The following RCSD1 variants were observed in gnomAD, a reference collection of about 807,000 sequenced individuals.
RCSD1 encodes the protein RCSD domain containing 1, also known as capZ-interacting protein.
Under a neutral mutation model 42.5 loss-of-function variants are expected in RCSD1, and 26 were observed. The ratio of observed to expected loss-of-function variants is 0.61; its 90% CI spans 0.45 to 0.85. RCSD1 has a LOEUF of 0.85. RCSD1 is among the 40% of genes least tolerant of loss of function. RCSD1 has a pLI of 0.00. For synonymous variants in RCSD1, 220 were observed against 212.2 expected (o/e 1.04, Z -0.32); for missense variants, 571 against 528.3 (o/e 1.08, Z -0.79).
chr1:167,636,646 A>G (rs900375777), intron 1 of RCSD1, among the ~76,000 whole-genome samples: 5 of 152,050 alleles, frequency 3.3e-5, no homozygotes, highest in African/African-American at 1.2e-4. Context: ...CTAGAGTACA[A>G]TGGCACTATC....
intron 6 of RCSD1, among the ~76,000 whole-genome samples, chr1:167,698,149 G>C (rs1659547496): frequency 6.6e-6 from 1 of 152,224 alleles, no homozygotes; most frequent in African/African-American, 2.4e-5. Context: ...AGGCCTGCAA[G>C]CATCTATGGA....
chr1:167,673,071 A>T (rs1294958432), intron 1 of RCSD1, among the ~76,000 whole-genome samples: 1 of 152,176 alleles, frequency 6.6e-6, no homozygotes, highest in African/African-American at 2.4e-5. Flanking sequence ...CAGATCCAAG[A>T]CGATGCTCGG....
chr1:167,697,765 T>C lies in RCSD1; in HGVS notation c.1141T>C (p.Cys381Arg). The change falls in exon 6 of 7, where the codon TGC becomes CGC. Residue 381 changes from cysteine (C) to arginine (R), a missense_variant. Coordinates refer to ENST00000367854, the MANE Select transcript of RCSD1 (RefSeq NM_052862.4). ...QQEGAVLEPG[C>R]SPQTGPAQLE... Reference sequence around the variant, plus strand: ...GGAGGGGGCAGTGCTCGAGCCAGGCTGCAGCCCCCAGACCGGCCCTGCCCA... The same window carrying C: ...GGAGGGGGCAGTGCTCGAGCCAGGCCGCAGCCCCCAGACCGGCCCTGCCCA... 1 of 1,522,204 alleles carries C rather than the reference T, an allele frequency of 6.6e-7. No individual in the cohort carries two copies. The highest frequency in any genetic ancestry group is 8.8e-7 in the Non-Finnish European group (1 of 1,137,102). The allele number at this position is 1,522,204 out of a possible 1,614,324, so 94.3% of individuals were successfully genotyped here.
chr1:167,683,065 G>C (rs1659123067), intron 1 of RCSD1, among the ~76,000 whole-genome samples: 1 of 152,230 alleles, frequency 6.6e-6, no homozygotes, highest in Admixed American at 6.5e-5. Flanking sequence ...GAGAATAAAT[G>C]GTGTCCTGGG....
Position 167,683,965 on chromosome 1 carries a change from C to A in RCSD1, c.72C>A (p.Ala24=), listed in dbSNP as rs761485145. 7.4e-6 allele frequency: 12 copies of A among 1,613,952 alleles called. No individual in the cohort carries two copies. In the South Asian group the frequency reaches 1.3e-4, roughly 18 times the overall value. Residue 24 remains alanine, a synonymous_variant, in exon 2 of 7, where the codon GCC becomes GCA. Transcript: ENST00000367854. ...CGTCCCCCTCGGTGGCCCAGCTGGC[C>A]GGGCGGTTTAGGGAGCAGGCGGCTG... is the stretch of plus-strand genomic sequence containing the variant. ...NSASPSVAQL[A]GRFREQAAAA... is the part of the protein sequence containing the mutation.
chr1:167,644,244 C>A (rs1314941405), intron 1 of RCSD1, among the ~76,000 whole-genome samples: 1 of 152,114 alleles, frequency 6.6e-6, no homozygotes, highest in Non-Finnish European at 1.5e-5. Flanking sequence ...CTTTGGGAGG[C>A]CGAGGCAGGC....
intron 4 of RCSD1, 125 bp downstream of exon 4, chr1:167,690,245 C>T: frequency 1.3e-6 from 1 of 777,216 alleles, no homozygotes; most frequent in Admixed American, 2.5e-5. Flanking sequence ...CCCCAATAAT[C>T]AGCCAGTGAT....
chr1:167,672,628 A>G (rs1558084226), intron 1 of RCSD1, among the ~76,000 whole-genome samples: 2 of 152,042 alleles, frequency 1.3e-5, no homozygotes, highest in East Asian at 3.9e-4. Flanking sequence ...ATCCTCTTCC[A>G]CTTTAAGGGC....
chr1:167,656,834 C>G (rs970015740), intron 1 of RCSD1, among the ~76,000 whole-genome samples: 5 of 152,212 alleles, frequency 3.3e-5, no homozygotes, highest in African/African-American at 2.4e-5. Context: ...CCTTTTCCAT[C>G]TGCTCTAAAG....
chr1:167,659,632 G>A (rs1658498493), intron 1 of RCSD1, among the ~76,000 whole-genome samples: 2 of 152,132 alleles, frequency 1.3e-5, no homozygotes, highest in Admixed American at 6.5e-5. Context: ...GCTCCCCTTG[G>A]ACCACGTGTC....
intron 6 of RCSD1, among the ~76,000 whole-genome samples, chr1:167,701,268 C>A (rs1173295987): frequency 7.5e-6 from 1 of 133,160 alleles, no homozygotes; most frequent in African/African-American, 3.1e-5. Context: ...TTCTTTCTTT[C>A]TTTCTTTCTT....
chr1:167,684,134 G>C, intron 2 of RCSD1, 133 bp downstream of exon 2: 1 of 696,760 alleles, frequency 1.4e-6, no homozygotes, highest in Non-Finnish European at 2.4e-6. Flanking sequence ...GGGGCTGGAG[G>C]GGTTTCTCTG....
intron 1 of RCSD1, among the ~76,000 whole-genome samples, chr1:167,644,322 A>G (rs1180397909): frequency 2.0e-5 from 3 of 152,062 alleles, no homozygotes; most frequent in African/African-American, 7.2e-5. Flanking sequence ...TCTACTGAAA[A>G]TACAAAATTA....
chr1:167,661,821 T>C (rs953210908), intron 1 of RCSD1, among the ~76,000 whole-genome samples: 15 of 152,212 alleles, frequency 9.9e-5, no homozygotes, highest in African/African-American at 3.1e-4. Flanking sequence ...GATGGGAGTG[T>C]AGCAAGAGAA....
intron 1 of RCSD1, among the ~76,000 whole-genome samples, chr1:167,674,227 G>A (rs74960996): frequency 0.019 from 2,910 of 152,306 alleles, 35 homozygotes; most frequent in African/African-American, 0.021. Context: ...AACTCACCCT[G>A]TCTTCCTCAC....
chr1:167,661,619 G>A (rs1438245557), intron 1 of RCSD1, among the ~76,000 whole-genome samples: 1 of 152,256 alleles, frequency 6.6e-6, no homozygotes, highest in African/African-American at 2.4e-5. Context: ...GCTCCTGGAG[G>A]CCACTAGGAA....
chr1:167,659,814 G>A (rs1247004359), intron 1 of RCSD1, among the ~76,000 whole-genome samples: 2 of 151,936 alleles, frequency 1.3e-5, no homozygotes, highest in Non-Finnish European at 2.9e-5. Context: ...CTTCTCTCTG[G>A]TGGGATAGAT....
In RCSD1 at chr1:167,706,299, T is replaced by G. The variant is rs1217917193; in HGVS notation, c.*1603T>G. The G allele has an allele frequency of 6.6e-6, 1 of 152,226 alleles. No homozygotes were observed. The highest frequency in any genetic ancestry group is 1.5e-5 in the Non-Finnish European group (1 of 68,028). 9.4% of individuals were successfully genotyped at this position (152,226 alleles called of 1,614,324 possible). A position where few individuals can be genotyped will look rare whatever the true frequency, so the allele number is the denominator to read the frequency against. ...ATCTATAAACTTGTCTGTCTATCTATCTAGCTGGCTAGCTTGCTATCAATC... is the reference window on the plus strand; with the variant it reads ...ATCTATAAACTTGTCTGTCTATCTAGCTAGCTGGCTAGCTTGCTATCAATC... On this transcript the variant is annotated 3_prime_UTR_variant, in exon 7 of 7. Coordinates refer to ENST00000367854, the MANE Select transcript of RCSD1 (RefSeq NM_052862.4).
At chr1:167,679,720 G>A (rs1558087056) in intron 1 of RCSD1, among the ~76,000 whole-genome samples, 1 of 152,238 alleles carries the variant, frequency 6.6e-6, no homozygotes, top group Non-Finnish European at 1.5e-5. Flanking sequence ...TGCAGATGAT[G>A]AGGCCTTCCC....
Sources: gnomAD v4.1 joint callset for allele counts (sites outside exome capture counted in the v4.1 genomes callset) on GRCh38, gnomAD v4.1.1 for gene constraint, MANE v1.5 for transcripts, NCBI Gene and HGNC (gene_info 2026-07-23, HGNC 2026-07-21) for gene names.